ZFAND3: variants seen among roughly 807,000 people sequenced by gnomAD.
ZFAND3 encodes the protein zinc finger AN1-type containing 3.
A neutral mutation model predicts 29.6 loss-of-function variants in ZFAND3; 10 were observed. The observed-to-expected ratio is 0.34, with a 90% confidence interval of 0.21 to 0.57. ZFAND3 has a LOEUF of 0.57. Among genes scored for constraint, ZFAND3 ranks in the 20% least tolerant of loss-of-function variants. The probability of loss-of-function intolerance (pLI) is 0.86; values close to 1 mark genes in which losing one functional copy is unlikely to be tolerated. For synonymous variants in ZFAND3, 128 were observed against 112.6 expected (o/e 1.14, Z -0.87); for missense variants, 230 against 304.5 (o/e 0.76, Z 1.82).
chr6:38,115,078 T>C (rs183157976), intron 4 of ZFAND3, among the ~76,000 whole-genome samples: 232 of 151,794 alleles, frequency 1.5e-3, no homozygotes, highest in Non-Finnish European at 2.7e-3. Context: ...TAAAAGAAAA[T>C]GTGACGTTGG....
chr6:37,977,746 C>T (rs1762504757), intron 2 of ZFAND3, among the ~76,000 whole-genome samples: 1 of 150,848 alleles, frequency 6.6e-6, no homozygotes, highest in Admixed American at 6.6e-5. Context: ...TTAAGGAAGC[C>T]CCCTTTTATT....
At chr6:38,150,650 G>A (rs1040116741) in intron 5 of ZFAND3, among the ~76,000 whole-genome samples, 2 of 152,166 alleles carry the variant, frequency 1.3e-5, no homozygotes, top group African/African-American at 4.8e-5. Flanking sequence ...TTGGGCTCTT[G>A]CTGTTCTTCT....
intron 2 of ZFAND3, among the ~76,000 whole-genome samples, chr6:38,000,292 GA>G (rs1297778456): frequency 6.6e-6 from 1 of 152,134 alleles, no homozygotes; most frequent in East Asian, 1.9e-4. Flanking sequence ...CTGAAATTGA[GA>G]AACTGTATTT....
intron 4 of ZFAND3, among the ~76,000 whole-genome samples, chr6:38,104,975 C>T (rs1368614707): frequency 1.3e-5 from 2 of 152,192 alleles, no homozygotes; most frequent in East Asian, 1.9e-4. Context: ...AGCAAGGACT[C>T]TAGGCCAGGC....
chr6:37,885,966 G>A (rs1018177822), intron 1 of ZFAND3, among the ~76,000 whole-genome samples: 3 of 151,970 alleles, frequency 2.0e-5, no homozygotes, highest in Non-Finnish European at 2.9e-5. Context: ...GGCCAGGTGC[G>A]GTGGCTTATG....
At chr6:37,879,360 G>A (rs555982576) in intron 1 of ZFAND3, among the ~76,000 whole-genome samples, 2 of 151,670 alleles carry the variant, frequency 1.3e-5, no homozygotes, top group South Asian at 2.1e-4. Context: ...GTGGGGGAGC[G>A]GGTGGTGGTG....
At chr6:38,094,663 T>C (rs546594098) in intron 4 of ZFAND3, among the ~76,000 whole-genome samples, 6 of 152,324 alleles carry the variant, frequency 3.9e-5, no homozygotes, top group Admixed American at 3.3e-4. Flanking sequence ...TTTCATTCTT[T>C]CCTGATCCAT....
intron 2 of ZFAND3, among the ~76,000 whole-genome samples, chr6:37,976,791 G>A (rs548083140): frequency 6.6e-6 from 1 of 152,200 alleles, no homozygotes; most frequent in Non-Finnish European, 1.5e-5. Context: ...GAGCTCTTGT[G>A]AGAGCTCCCT....
At chr6:37,852,017 G>A (rs1170454870) in intron 1 of ZFAND3, among the ~76,000 whole-genome samples, 1 of 152,212 alleles carries the variant, frequency 6.6e-6, no homozygotes, top group South Asian at 2.1e-4. Flanking sequence ...ATTGTTGTTA[G>A]CCATTCTAAT....
intron 2 of ZFAND3, among the ~76,000 whole-genome samples, chr6:37,936,337 C>G (rs970870688): frequency 6.6e-6 from 1 of 152,168 alleles, no homozygotes. Context: ...TAGAAAGTAG[C>G]TATAACCTGT....
At chr6:38,042,681 G>T (rs998300705) in intron 2 of ZFAND3, among the ~76,000 whole-genome samples, 1 of 152,078 alleles carries the variant, frequency 6.6e-6, no homozygotes, top group East Asian at 1.9e-4. Context: ...AGAAACATAT[G>T]CAAGAAAGGA....
chr6:38,017,110 G>A (rs1419216007), intron 2 of ZFAND3, among the ~76,000 whole-genome samples: 1 of 152,174 alleles, frequency 6.6e-6, no homozygotes, highest in Admixed American at 6.5e-5. Context: ...AGCATTATAG[G>A]CACTTCAGAG....
chr6:38,075,341 T>G (rs1167975025), intron 3 of ZFAND3, among the ~76,000 whole-genome samples: 1 of 152,140 alleles, frequency 6.6e-6, no homozygotes, highest in African/African-American at 2.4e-5. Context: ...TTGGAAGAAG[T>G]TTATTCTAAC....
rs756227582 is a variant in ZFAND3 at position 38,041,630 on chromosome 6, T to TC, written c.113-19963_113-19962insC. 4.8e-3 allele frequency among the ~76,000 whole-genome samples: 328 copies of TC among 68,286 alleles called. 26 individuals are homozygous for TC. Among genetic ancestry groups the TC allele is most frequent in the African/African-American group, 9.6e-3 (203 of 21,246 alleles). The allele number at this position is 68,286 out of a possible 152,430, so 44.8% of individuals were successfully genotyped here. A position where few individuals can be genotyped will look rare whatever the true frequency, so the allele number is the denominator to read the frequency against. ...TGTCACCACTGTTTTTTTATCTACT[T>TC]TTTCTTCTTCTTCTTCTTCTTCTTC... On this transcript the variant is annotated intron_variant, in intron 2 of 5. Coordinates refer to ENST00000287218, the MANE Select transcript of ZFAND3 (RefSeq NM_021943.3).
intron 1 of ZFAND3, among the ~76,000 whole-genome samples, chr6:37,888,040 G>GA (rs892066793): frequency 1.3e-5 from 2 of 152,010 alleles, no homozygotes; most frequent in African/African-American, 2.4e-5. Flanking sequence ...TTACTAAGTA[G>GA]AAAAAACAAA....
chr6:37,977,779 T>G (rs1461312311), intron 2 of ZFAND3, among the ~76,000 whole-genome samples: 2 of 146,608 alleles, frequency 1.4e-5, no homozygotes, highest in African/African-American at 5.1e-5. Flanking sequence ...AGTTTTTTGT[T>G]TTTTTTTTTT....
At chr6:38,140,598 T>C (rs1765929525) in intron 5 of ZFAND3, among the ~76,000 whole-genome samples, 1 of 152,204 alleles carries the variant, frequency 6.6e-6, no homozygotes, top group African/African-American at 2.4e-5. Context: ...CAAGTGATCC[T>C]CCTGCCTCAG....
chr6:38,152,908 G>A lies in ZFAND3; in HGVS notation c.*519G>A, dbSNP rs544907802. On this transcript the variant is annotated 3_prime_UTR_variant, in exon 6 of 6. Coordinates refer to ENST00000287218, the MANE Select transcript of ZFAND3 (RefSeq NM_021943.3). ...ACGGGAGGCTGCTGAGATTGGCCAC[G>A]TGGCTGGGCTGGGTGGTGGCCTCAC... The A allele has an allele frequency of 2.9e-5, 29 of 985,972 alleles. No homozygotes were observed. The African/African-American group carries it at 3.5e-4, about 12-fold the overall frequency. 61.1% of individuals were successfully genotyped at this position (985,972 alleles called of 1,614,324 possible). A position where few individuals can be genotyped will look rare whatever the true frequency, so the allele number is the denominator to read the frequency against.
At chr6:38,018,937 G>T (rs1393002480) in intron 2 of ZFAND3, among the ~76,000 whole-genome samples, 3 of 152,072 alleles carry the variant, frequency 2.0e-5, no homozygotes, top group Non-Finnish European at 4.4e-5. Context: ...TGGCAGCAGA[G>T]AAGAAACTTT....
Sources: allele counts gnomAD v4.1 joint callset (sites outside exome capture counted in the v4.1 genomes callset), GRCh38; gene constraint gnomAD v4.1.1; transcripts MANE v1.5; gene names NCBI Gene and HGNC (gene_info 2026-07-23, HGNC 2026-07-21).